Variants in EZH2 observed in about 807,000 individuals in gnomAD.
The protein encoded by EZH2 is histone-lysine N-methyltransferase EZH2.
Under a neutral mutation model 98.4 loss-of-function variants are expected in EZH2, and 18 were observed. The ratio of observed to expected loss-of-function variants is 0.18; its 90% CI spans 0.13 to 0.27. The LOEUF (loss-of-function observed/expected upper bound fraction) is 0.27, where lower values mean the gene tolerates loss of function less well. Among genes scored for constraint, EZH2 ranks in the 10% least tolerant of loss-of-function variants. The pLI, the probability that EZH2 is intolerant of heterozygous loss-of-function variation, is 1.00. For synonymous variants in EZH2, 338 were observed against 312.3 expected, an observed-to-expected ratio of 1.08 and a Z score of -0.87; for missense variants, 470 against 935.1, an observed-to-expected ratio of 0.50 and a Z score of 6.49.
At chr7:148,866,883 T>C (rs1458436469) in intron 1 of EZH2, among the ~76,000 whole-genome samples, 1 of 149,452 alleles carries the variant, frequency 6.7e-6, no homozygotes. Flanking sequence ...CCCGGCTAAT[T>C]TTTATTTTTT....
intron 1 of EZH2, among the ~76,000 whole-genome samples, chr7:148,877,532 A>G (rs939791841): frequency 1.3e-5 from 2 of 152,148 alleles, no homozygotes; most frequent in Non-Finnish European, 2.9e-5. Flanking sequence ...AATCCTCACA[A>G]CCACCTTATC....
intron 1 of EZH2, among the ~76,000 whole-genome samples, chr7:148,866,705 C>CATAT (rs144369497): frequency 1.4e-5 from 2 of 143,820 alleles, no homozygotes; most frequent in African/African-American, 5.1e-5. Flanking sequence ...TACATATATG[C>CATAT]ATATATATAT....
chr7:148,811,262 C>A (rs529663879), intron 16 of EZH2, among the ~76,000 whole-genome samples: 1 of 152,302 alleles, frequency 6.6e-6, no homozygotes, highest in South Asian at 2.1e-4. Context: ...AGCGATCTTC[C>A]TGCCTCAGCT....
chr7:148,853,702 A>G (rs1816284816), intron 1 of EZH2, among the ~76,000 whole-genome samples: 1 of 152,244 alleles, frequency 6.6e-6, no homozygotes, highest in African/African-American at 2.4e-5. Context: ...TTAGGGAATA[A>G]TGGCAAGAAA....
At chr7:148,880,798 C>T (rs1390336135) in intron 1 of EZH2, among the ~76,000 whole-genome samples, 1 of 152,164 alleles carries the variant, frequency 6.6e-6, no homozygotes, top group Non-Finnish European at 1.5e-5. Flanking sequence ...AACCCCTATT[C>T]TCTAGCAAAT....
Position 148,819,662 on chromosome 7 carries a change from A to G in EZH2, c.933T>C (p.Tyr311=), listed in dbSNP as rs114765515. The G allele has an allele frequency of 6.9e-5, 111 of 1,614,148 alleles. No individual in the cohort carries two copies. The highest frequency in any genetic ancestry group is 4.4e-4 in the African/African-American group (33 of 75,064). ...GAGCTGTTTCTGTGTTCTTCCGCTTATAAGTGTTGGGTGTTGCATGAAAAG... is the reference window on the plus strand; with the variant it reads ...GAGCTGTTTCTGTGTTCTTCCGCTTGTAAGTGTTGGGTGTTGCATGAAAAG... ...NYSFHATPNT[Y]KRKNTETALD... The change falls in exon 9 of 20, where the codon TAT becomes TAC. Residue 311 remains tyrosine, a synonymous_variant. Transcript: ENST00000320356.
chr7:148,834,352 T>TATATAC (rs1321608007), intron 3 of EZH2, among the ~76,000 whole-genome samples: 2 of 143,320 alleles, frequency 1.4e-5, no homozygotes, highest in South Asian at 2.2e-4. Context: ...TATATATATA[T>TATATAC]ACACACACAC....
chr7:148,829,916 C>T (rs997510061), intron 4 of EZH2, 68 bp from the exon 5 acceptor site: 17 of 1,240,262 alleles, frequency 1.4e-5, no homozygotes, highest in Non-Finnish European at 1.3e-5. Context: ...AACTAAAATA[C>T]AACCTTTTTT....
Position 148,818,208 on chromosome 7 carries a change from C to A in EZH2, c.1000-91G>T, listed in dbSNP as rs1195947064. ...AAAATACTATATAAGCCAGGTTAGTCAAAAAATGTATCACATTATCCATTT... is the reference window on the plus strand; with the variant it reads ...AAAATACTATATAAGCCAGGTTAGTAAAAAAATGTATCACATTATCCATTT... On this transcript the variant is annotated intron_variant, in intron 9 of 19. Coordinates refer to ENST00000320356, the MANE Select transcript of EZH2 (RefSeq NM_004456.5). 4.6e-6 allele frequency: 6 copies of A among 1,296,788 alleles called. No homozygotes were observed. In the South Asian group the frequency reaches 4.9e-5, roughly 11 times the overall value. 80.3% of individuals were successfully genotyped at this position (1,296,788 alleles called of 1,614,324 possible). A position where few individuals can be genotyped will look rare whatever the true frequency, so the allele number is the denominator to read the frequency against.
At chr7:148,857,743 T>G (rs1037341575) in intron 1 of EZH2, among the ~76,000 whole-genome samples, 1 of 151,852 alleles carries the variant, frequency 6.6e-6, no homozygotes, top group Non-Finnish European at 1.5e-5. Flanking sequence ...AGAGCGAGAC[T>G]CCGTCCCAAA....
intron 1 of EZH2, among the ~76,000 whole-genome samples, chr7:148,850,972 G>T (rs1023160558): frequency 6.6e-6 from 1 of 152,036 alleles, no homozygotes; most frequent in African/African-American, 2.4e-5. Context: ...TCAAAATATC[G>T]TAACATTTTC....
chr7:148,859,235 G>T (rs1817305578), intron 1 of EZH2, among the ~76,000 whole-genome samples: 1 of 152,186 alleles, frequency 6.6e-6, no homozygotes, highest in South Asian at 2.1e-4. Flanking sequence ...GTCAGGTGCA[G>T]TAGCTCATGC....
At chr7:148,866,519 TGTATATACATATATATAC>T (rs1554423028) in intron 1 of EZH2, among the ~76,000 whole-genome samples, 1 of 70,530 alleles carries the variant, frequency 1.4e-5, no homozygotes, top group Non-Finnish European at 3.2e-5. Flanking sequence ...CATATATATG[TGTATATACATATATATAC>T]GTATATACAT....
intron 1 of EZH2, chr7:148,876,200 T>C (rs1256492810): frequency 1.3e-5 from 2 of 151,882 alleles, no homozygotes; most frequent in African/African-American, 4.8e-5. Flanking sequence ...GGCAGGAGAA[T>C]TGCTTGAACC....
At position 148,814,947 on chromosome 7, in the gene EZH2, A is replaced by C; in HGVS notation, c.1639T>G (p.Phe547Val). Residue 547 changes from phenylalanine (F) to valine (V), a missense_variant, in exon 14 of 20, where the codon TTT becomes GTT. Physicochemically the swap from Phe to Val is conservative, Grantham distance 50 (BLOSUM62 -1). This residue lies in a region of EZH2 where 106 missense variants were observed against 327.2 expected (regional missense o/e 0.32). Transcript: ENST00000320356. ...CTACATTGACAAAACTTTTCACAAA[A>C]ATTTTGTGCTATCACACAAGGGCAC... is the stretch of plus-strand genomic sequence containing the variant. ...SSCPCVIAQN[F>V]CEKFCQCSSE... The C allele has an allele frequency of 6.2e-7, 1 of 1,613,482 alleles. No individual in the cohort carries two copies. Among genetic ancestry groups the C allele is most frequent in the Non-Finnish European group, 8.5e-7 (1 of 1,179,996 alleles).
intron 1 of EZH2, among the ~76,000 whole-genome samples, chr7:148,872,840 T>C (rs1819611071): frequency 6.8e-6 from 1 of 146,336 alleles, no homozygotes; most frequent in South Asian, 2.1e-4. Flanking sequence ...TTTTGATACC[T>C]TTTTTTTTTT....
chr7:148,829,316 G>A (rs114194898), intron 5 of EZH2, among the ~76,000 whole-genome samples: 311 of 152,236 alleles, frequency 2.0e-3, no homozygotes, highest in African/African-American at 7.0e-3. Context: ...TCTAAGGATT[G>A]AATTTCAGGT....
At chr7:148,814,590 T>C (rs1324115443) in intron 14 of EZH2, among the ~76,000 whole-genome samples, 1 of 152,190 alleles carries the variant, frequency 6.6e-6, no homozygotes, top group Non-Finnish European at 1.5e-5. Context: ...CAAAAATTAT[T>C]TGGGTAGCTC....
intron 1 of EZH2, among the ~76,000 whole-genome samples, chr7:148,860,612 T>C (rs1817525143): frequency 1.3e-5 from 2 of 152,252 alleles, no homozygotes; most frequent in South Asian, 2.1e-4. Flanking sequence ...ATATGTGTTA[T>C]AGCTATTAAC....
Sources: allele counts gnomAD v4.1 joint callset (sites outside exome capture counted in the v4.1 genomes callset), GRCh38; gene constraint gnomAD v4.1.1; regional missense constraint gnomAD v4.1.1; transcripts MANE v1.5; gene names NCBI Gene and HGNC (gene_info 2026-07-23, HGNC 2026-07-21).